The following NUF2 variants were observed in gnomAD, a reference collection of about 807,000 sequenced individuals.
NUF2 encodes NUF2 component of NDC80 kinetochore complex, also known as kinetochore protein Nuf2.
NUF2 carries 34 observed loss-of-function variants against 61.8 expected under a neutral mutation model. The observed-to-expected ratio is 0.55, with a 90% CI of 0.42 to 0.73. NUF2 has a LOEUF of 0.73. Among genes scored for constraint, NUF2 ranks in the 30% least tolerant of loss-of-function variants. NUF2 has a pLI of 0.00. For missense variants in NUF2, 445 were observed against 539.1 expected (o/e 0.83, Z 1.73); for synonymous variants, 172 against 181.6 (o/e 0.95, Z 0.42).
chr1:163,345,013 T>G (rs1651075654), intron 10 of NUF2, among the ~76,000 whole-genome samples: 1 of 152,164 alleles, frequency 6.6e-6, no homozygotes, highest in Non-Finnish European at 1.5e-5. Flanking sequence ...TGGACTGAGA[T>G]AGATTTTTGA....
At chr1:163,336,101 A>G (rs190721154) in intron 5 of NUF2, among the ~76,000 whole-genome samples, 30 of 152,204 alleles carry the variant, frequency 2.0e-4, no homozygotes, top group African/African-American at 6.5e-4. Flanking sequence ...TTTTCTTATT[A>G]TGGATCATGT....
chr1:163,349,103 T>C (rs1312109264), intron 13 of NUF2, 23 bp downstream of exon 13: 1 of 1,579,076 alleles, frequency 6.3e-7, no homozygotes, highest in African/African-American at 1.4e-5. Flanking sequence ...TCATAAGAAG[T>C]TAATTTCAAA....
At position 163,326,573 on chromosome 1, in the gene NUF2, G is replaced by A. The variant is rs566337372; in HGVS notation, c.123+399G>A. On this transcript the variant is annotated intron_variant, in intron 2 of 13. Transcript: ENST00000271452. ...AAATAATCCTCTTTGGAAGCCTACA[G>A]ATTAATTTTCATGCATTATGCCCCA... Among the ~76,000 whole-genome samples the A allele has an allele frequency of 1.7e-4, 26 of 152,158 alleles. No homozygotes were observed. The South Asian group carries it at 5.2e-3, about 30-fold the overall frequency.
Position 163,351,898 on chromosome 1 carries a change from AT to A in NUF2, c.1260+2821del, listed in dbSNP as rs375666158. On this transcript the variant is annotated intron_variant, in intron 13 of 13. Coordinates refer to ENST00000271452, the MANE Select transcript of NUF2 (RefSeq NM_145697.3). ...CATTAAATGTTCTTTCCCATAGATA[AT>A]TTATCTCTTCTAGTTTCAATTATTA... Among the ~76,000 whole-genome samples, 4 of 152,206 alleles carry A rather than the reference AT, an allele frequency of 2.6e-5. No homozygotes were observed. In the East Asian group the frequency reaches 7.7e-4, roughly 29 times the overall value.
intron 12 of NUF2, 70 bp downstream of exon 12, chr1:163,348,008 G>T: frequency 8.4e-7 from 1 of 1,196,284 alleles, no homozygotes; most frequent in Non-Finnish European, 1.1e-6. Context: ...TTTCCCCCAG[G>T]ATTTCAAAAC....
At chr1:163,340,326 T>C in intron 8 of NUF2, 38 bp from the exon 9 acceptor site, 1 of 1,507,428 alleles carries the variant, frequency 6.6e-7, no homozygotes, top group Non-Finnish European at 9.2e-7. Flanking sequence ...ATCTAAATGT[T>C]TTGAATCATT....
In NUF2 at chr1:163,339,392, T is replaced by C. The variant is rs141893601; in HGVS notation, c.521T>C (p.Val174Ala). 1.3e-5 allele frequency: 21 copies of C among 1,609,526 alleles called. No homozygotes were observed. In the African/African-American group the frequency reaches 1.9e-4, roughly 14 times the overall value. Residue 174 changes from valine to alanine, a missense_variant, in exon 8 of 14, where the codon GTT (valine) becomes GCT (alanine). Transcript: ENST00000271452. ...MKLERLDSVP[V>A]EEQEEFKQLS... ...TTTGCTGTGTTAAGTTCTGTTCCAG[T>C]TGAAGAGCAAGAAGAGTTCAAGCAG...
At chr1:163,327,097 TTCACAC>T (rs966343583) in intron 2 of NUF2, among the ~76,000 whole-genome samples, 3 of 19,774 alleles carry the variant, frequency 1.5e-4, no homozygotes, top group African/African-American at 2.7e-4. Flanking sequence ...GTTTCCTGTG[TTCACAC>T]ACACACACAC....
At chr1:163,333,037 G>A (rs1650648840) in intron 5 of NUF2, among the ~76,000 whole-genome samples, 1 of 152,092 alleles carries the variant, frequency 6.6e-6, no homozygotes, top group Admixed American at 6.6e-5. Context: ...TTTTTTCCTG[G>A]TTGTTCTTTG....
At chr1:163,329,041 T>G in intron 5 of NUF2, 134 bp downstream of exon 5, 1 of 465,780 alleles carries the variant, frequency 2.1e-6, no homozygotes, top group Non-Finnish European at 3.8e-6. Context: ...TATATCCCAT[T>G]TTTAAGTATG....
At chr1:163,355,253 A>G in intron 13 of NUF2, 82 bp from the exon 14 acceptor site, 1 of 1,044,738 alleles carries the variant, frequency 9.6e-7, no homozygotes, top group Non-Finnish European at 1.4e-6. Context: ...ATAAATATGA[A>G]TAAACTTGGA....
intron 8 of NUF2, 121 bp downstream of exon 8, chr1:163,339,598 C>A: frequency 1.6e-6 from 1 of 627,294 alleles, no homozygotes; most frequent in Non-Finnish European, 2.8e-6. Flanking sequence ...GAATATATTT[C>A]TGTGCCCATT....
intron 8 of NUF2, among the ~76,000 whole-genome samples, chr1:163,339,740 A>G (rs1650879156): frequency 6.6e-6 from 1 of 152,120 alleles, no homozygotes; most frequent in African/African-American, 2.4e-5. Flanking sequence ...CACTGCTTCC[A>G]AACCATGCAC....
At chr1:163,337,346 C>T (rs4656392) in intron 6 of NUF2, among the ~76,000 whole-genome samples, 89,372 of 151,738 alleles carry the variant, frequency 0.59, 26,723 homozygotes, top group South Asian at 0.68. Flanking sequence ...ACTTAAAGAA[C>T]TGGGGGAGAT....
chr1:163,349,109 T>C (rs1651228877), intron 13 of NUF2, 29 bp downstream of exon 13: 3 of 1,571,646 alleles, frequency 1.9e-6, no homozygotes, highest in Non-Finnish European at 2.6e-6. Context: ...GAAGTTAATT[T>C]CAAATAATCT....
rs1650365007 is a variant in NUF2, at chr1:163,324,900, C to CTTTCT, written c.-20-1129_-20-1128insCTTTT. ...GGACAAGGTTTCTTTTCTTTTCTTT[C>CTTTCT]TTTTTTTTTTTTTTTTTTGACACAG... On this transcript the variant is annotated intron_variant, in intron 1 of 13. Coordinates refer to ENST00000271452, the MANE Select transcript of NUF2 (RefSeq NM_145697.3). 3.4e-3 allele frequency among the ~76,000 whole-genome samples: 417 copies of CTTTCT among 122,972 alleles called. 1 individual carries two copies. The highest frequency in any genetic ancestry group is 0.011 in the African/African-American group (375 of 33,238). The allele number at this position is 122,972 out of a possible 152,430, so 80.7% of individuals were successfully genotyped here. A position where few individuals can be genotyped will look rare whatever the true frequency, so the allele number is the denominator to read the frequency against.
chr1:163,337,249 G>T (rs1454482141), intron 6 of NUF2, among the ~76,000 whole-genome samples: 2 of 152,118 alleles, frequency 1.3e-5, no homozygotes, highest in Non-Finnish European at 2.9e-5. Flanking sequence ...TAATTGGACT[G>T]TTTGTGGTGG....
intron 1 of NUF2, chr1:163,322,940 G>A (rs1177354119): frequency 1.3e-5 from 2 of 152,180 alleles, no homozygotes; most frequent in African/African-American, 4.8e-5. Flanking sequence ...ATTGTACTTC[G>A]AAAGAATGAT....
intron 5 of NUF2, among the ~76,000 whole-genome samples, chr1:163,335,976 C>T (rs1033718955): frequency 6.6e-6 from 1 of 152,036 alleles, no homozygotes; most frequent in Non-Finnish European, 1.5e-5. Context: ...ATTGCTGATT[C>T]TTTTCTCTAT....
Sources: gnomAD v4.1 joint callset for allele counts (sites outside exome capture counted in the v4.1 genomes callset) on GRCh38, gnomAD v4.1.1 for gene constraint, MANE v1.5 for transcripts, NCBI Gene and HGNC (gene_info 2026-07-23, HGNC 2026-07-21) for gene names.